The following CAMK1D variants were observed in gnomAD, a reference collection of about 807,000 sequenced individuals.
The protein encoded by CAMK1D is calcium/calmodulin dependent protein kinase ID.
A neutral mutation model predicts 47.7 loss-of-function variants in CAMK1D; 9 were observed. The observed-to-expected ratio is 0.19, with a 90% CI of 0.11 to 0.33. CAMK1D has a LOEUF of 0.33. CAMK1D is among the 10% of genes least tolerant of loss of function. The pLI, the probability that CAMK1D is intolerant of heterozygous loss-of-function variation, is 1.00. For synonymous variants in CAMK1D, 184 were observed against 184.9 expected (o/e 0.99, Z 0.04); for missense variants, 291 against 488.7 (o/e 0.60, Z 3.81).
intron 1 of CAMK1D, among the ~76,000 whole-genome samples, chr10:12,537,655 G>T (rs1836019535): frequency 6.6e-6 from 1 of 152,190 alleles, no homozygotes; most frequent in Non-Finnish European, 1.5e-5. Flanking sequence ...TCTCTGCTGG[G>T]CATGATTTCT....
At chr10:12,403,560 A>G (rs1435142194) in intron 1 of CAMK1D, among the ~76,000 whole-genome samples, 2 of 152,182 alleles carry the variant, frequency 1.3e-5, no homozygotes, top group Non-Finnish European at 1.5e-5. Context: ...AAAATTTACT[A>G]TTGAATGTAA....
intron 2 of CAMK1D, among the ~76,000 whole-genome samples, chr10:12,658,938 T>C (rs1176765144): frequency 6.6e-6 from 1 of 152,184 alleles, no homozygotes; most frequent in Non-Finnish European, 1.5e-5. Flanking sequence ...TCTGTCCTTG[T>C]GATAAGGCAG....
At chr10:12,728,887 G>A (rs1461879626) in intron 3 of CAMK1D, among the ~76,000 whole-genome samples, 1 of 152,178 alleles carries the variant, frequency 6.6e-6, no homozygotes. Flanking sequence ...TCTGCCTACA[G>A]AAAAGTCTAA....
chr10:12,589,442 C>T (rs1304198101), intron 2 of CAMK1D, among the ~76,000 whole-genome samples: 1 of 152,236 alleles, frequency 6.6e-6, no homozygotes, highest in African/African-American at 2.4e-5. Flanking sequence ...GCCCGCAGGC[C>T]ATGGCTGAGC....
intron 3 of CAMK1D, among the ~76,000 whole-genome samples, chr10:12,707,998 TAG>T (rs1439292170): frequency 1.3e-5 from 2 of 152,222 alleles, no homozygotes; most frequent in African/African-American, 4.8e-5. Flanking sequence ...AATCCTATGA[TAG>T]ACTTTGCCTA....
At chr10:12,559,281 C>G (rs1348203099) in intron 2 of CAMK1D, among the ~76,000 whole-genome samples, 2 of 152,088 alleles carry the variant, frequency 1.3e-5, no homozygotes. Flanking sequence ...GACACCATCT[C>G]TAAAAAAATA....
At chr10:12,423,052 C>T (rs1840111052) in intron 1 of CAMK1D, among the ~76,000 whole-genome samples, 1 of 152,068 alleles carries the variant, frequency 6.6e-6, no homozygotes, top group Admixed American at 6.5e-5. Flanking sequence ...GTACATGAAA[C>T]TTGGGCTTGT....
At chr10:12,472,323 A>G (rs892618360) in intron 1 of CAMK1D, among the ~76,000 whole-genome samples, 3 of 151,992 alleles carry the variant, frequency 2.0e-5, no homozygotes, top group Non-Finnish European at 4.4e-5. Context: ...CATGTCCCAT[A>G]TTCTGCTTGC....
rs1464923921 is a variant in CAMK1D, at chr10:12,827,470, C to CTT, written c.1040-1298_1040-1297insTT. Among the ~76,000 whole-genome samples, 4 of 13,840 alleles carry CTT rather than the reference C, an allele frequency of 2.9e-4. 1 individual carries two copies. The highest frequency in any genetic ancestry group is 6.5e-4 in the African/African-American group (3 of 4,602). The allele number at this position is 13,840 out of a possible 152,430, so 9.1% of individuals were successfully genotyped here. A position where few individuals can be genotyped will look rare whatever the true frequency, so the allele number is the denominator to read the frequency against. ...TTCTTTCTTTTCTTTCTTTGTCTGTCTGTCTTTCTTTCTTTCTTTCTTTCT... is the reference window on the plus strand; with the variant it reads ...TTCTTTCTTTTCTTTCTTTGTCTGTCTTTGTCTTTCTTTCTTTCTTTCTTTCT... On this transcript the variant is annotated intron_variant, in intron 10 of 10. Coordinates refer to ENST00000619168, the MANE Select transcript of CAMK1D (RefSeq NM_153498.4).
chr10:12,414,176 T>C (rs923754939), intron 1 of CAMK1D, among the ~76,000 whole-genome samples: 2 of 152,164 alleles, frequency 1.3e-5, no homozygotes, highest in Non-Finnish European at 2.9e-5. Context: ...ATTTCCTCCC[T>C]CTAAAGAGGA....
At chr10:12,397,327 T>C (rs1297934832) in intron 1 of CAMK1D, among the ~76,000 whole-genome samples, 2 of 152,214 alleles carry the variant, frequency 1.3e-5, no homozygotes, top group African/African-American at 2.4e-5. Context: ...GTCTGCTTTG[T>C]GTGTCCTTGA....
intron 1 of CAMK1D, among the ~76,000 whole-genome samples, chr10:12,498,452 G>T (rs1401199337): frequency 6.6e-6 from 1 of 152,250 alleles, no homozygotes; most frequent in Admixed American, 6.5e-5. Context: ...GTAGGTGGGT[G>T]TGGCACAGAG....
chr10:12,471,282 G>T lies in CAMK1D; in HGVS notation c.93-81943G>T, dbSNP rs367998412. ...CCCCTGGTCTGGATCAATGTGTCTGGGTCCATGTGGGAGTGGCTTCCTCTA... is the reference window on the plus strand; with the variant it reads ...CCCCTGGTCTGGATCAATGTGTCTGTGTCCATGTGGGAGTGGCTTCCTCTA... On this transcript the variant is annotated intron_variant, in intron 1 of 10. Coordinates refer to ENST00000619168, the MANE Select transcript of CAMK1D (RefSeq NM_153498.4). Among the ~76,000 whole-genome samples, 9 of 152,266 alleles carry T rather than the reference G, an allele frequency of 5.9e-5. No homozygotes were observed. The East Asian group carries it at 1.2e-3, about 20-fold the overall frequency.
chr10:12,600,209 A>T (rs943526401), intron 2 of CAMK1D, among the ~76,000 whole-genome samples: 1 of 152,048 alleles, frequency 6.6e-6, no homozygotes, highest in Admixed American at 6.6e-5. Context: ...CAGGAGAGAT[A>T]CTCAAGGATA....
In CAMK1D at chr10:12,411,796, C is replaced by T. The variant is rs181875212; in HGVS notation, c.92+61886C>T. Among the ~76,000 whole-genome samples the T allele has an allele frequency of 9.6e-3, 1,149 of 120,002 alleles. 17 individuals carry two copies. Among genetic ancestry groups the T allele is most frequent in the African/African-American group, 0.034 (1,073 of 31,206 alleles). 78.7% of individuals were successfully genotyped at this position (120,002 alleles called of 152,430 possible). A position where few individuals can be genotyped will look rare whatever the true frequency, so the allele number is the denominator to read the frequency against. ...TGTATTTTTAGTAGAGACAGGGTTT[C>T]GCCGTGTTGGGCAGGCTGGTCTCCT... On this transcript the variant is annotated intron_variant, in intron 1 of 10. Transcript: ENST00000619168.
chr10:12,416,567 C>T (rs1252019094), intron 1 of CAMK1D, among the ~76,000 whole-genome samples: 3 of 152,172 alleles, frequency 2.0e-5, no homozygotes, highest in African/African-American at 7.2e-5. Flanking sequence ...GCCAAGAGTC[C>T]GTGCAGAAAA....
chr10:12,392,329 AAAAC>A (rs1838765966), intron 1 of CAMK1D, among the ~76,000 whole-genome samples: 1 of 151,968 alleles, frequency 6.6e-6, no homozygotes, highest in Non-Finnish European at 1.5e-5. Context: ...TCAAAAATCA[AAAAC>A]AAAAAACATA....
chr10:12,433,694 C>CA (rs1239298285), intron 1 of CAMK1D, among the ~76,000 whole-genome samples: 5 of 152,196 alleles, frequency 3.3e-5, no homozygotes, highest in African/African-American at 1.2e-4. Flanking sequence ...AAAGAAAAAA[C>CA]AAACTCGTGG....
chr10:12,414,008 A>G (rs1253287721), intron 1 of CAMK1D, among the ~76,000 whole-genome samples: 1 of 152,248 alleles, frequency 6.6e-6, no homozygotes, highest in African/African-American at 2.4e-5. Flanking sequence ...TGGTGGTGAC[A>G]GTATGGTAGT....
Sources: gnomAD v4.1 joint callset for allele counts (sites outside exome capture counted in the v4.1 genomes callset) on GRCh38, gnomAD v4.1.1 for gene constraint, MANE v1.5 for transcripts, NCBI Gene and HGNC (gene_info 2026-07-23, HGNC 2026-07-21) for gene names.